Variants in TULP4 observed in about 807,000 individuals in gnomAD.
The protein encoded by TULP4 is TUB like protein 4, also known as tubby-related protein 4.
In TULP4, 16 loss-of-function variants were observed where a neutral mutation model predicts 129.0. That is an observed-to-expected ratio of 0.12 (90% CI 0.08 to 0.19). The LOEUF is 0.19. Among genes scored for constraint, TULP4 ranks in the 10% least tolerant of loss-of-function variants. The pLI, the probability that TULP4 is intolerant of heterozygous loss-of-function variation, is 1.00. For missense variants in TULP4, 1,842 were observed against 2,059.1 expected, an observed-to-expected ratio of 0.89 and a Z score of 2.04; for synonymous variants, 998 against 854.0, an observed-to-expected ratio of 1.17 and a Z score of -2.94.
At chr6:158,499,136 G>T (rs1271877631) in intron 12 of TULP4, among the ~76,000 whole-genome samples, 1 of 152,190 alleles carries the variant, frequency 6.6e-6, no homozygotes, top group East Asian at 1.9e-4. Flanking sequence ...AGATAAGTTT[G>T]CAGGACTGAT....
In TULP4 at chr6:158,503,459, T is replaced by C. The variant is rs1390276204; in HGVS notation, c.3796T>C (p.Tyr1266His). 4 of 1,613,860 alleles carry C rather than the reference T, an allele frequency of 2.5e-6. No individual in the cohort carries two copies. The highest frequency in any genetic ancestry group is 2.5e-6 in the Non-Finnish European group (3 of 1,180,032). ...TGTCGCCTTGCATCCATGGAGTTCC[T>C]ACAGCGCCTGCCCGCCCATGCAGAA... ...PPVALHPWSSYSACPPMQNPQ... is the reference protein window; with the variant it reads ...PPVALHPWSSHSACPPMQNPQ... Residue 1266 changes from tyrosine (Y) to histidine (H), a missense_variant, in exon 13 of 14, where the codon TAC (tyrosine) becomes CAC (histidine). Physicochemically the swap from Tyr to His is moderately conservative, Grantham distance 83 (BLOSUM62 2). Transcript: ENST00000367097. The surrounding 1 kb of genome is among the most constrained non-coding windows in gnomAD (Gnocchi z 4.3).
chr6:158,505,737 A>G (rs1346072782), intron 13 of TULP4, among the ~76,000 whole-genome samples: 2 of 152,168 alleles, frequency 1.3e-5, no homozygotes, highest in African/African-American at 2.4e-5. Context: ...GGTGTTGGAC[A>G]GTGGTGGTGC....
chr6:158,279,619 T>A (rs558720575), upstream of TULP4, among the ~76,000 whole-genome samples: 1 of 152,302 alleles, frequency 6.6e-6, no homozygotes, highest in African/African-American at 2.4e-5. Flanking sequence ...AATATCTGAT[T>A]AATTATGTTA....
chr6:158,321,065 T>C (rs1779617012), intron 1 of TULP4, among the ~76,000 whole-genome samples: 1 of 152,192 alleles, frequency 6.6e-6, no homozygotes, highest in African/African-American at 2.4e-5. Flanking sequence ...AAAAATTTTC[T>C]TTAACTTTTT....
At chr6:158,267,879 T>C (rs1778476137) in intron 1 of TULP4, among the ~76,000 whole-genome samples, 1 of 152,126 alleles carries the variant, frequency 6.6e-6, no homozygotes, top group African/African-American at 2.4e-5. Flanking sequence ...TTGGTGCTTT[T>C]CTATCAGTCG....
intron 1 of TULP4, among the ~76,000 whole-genome samples, chr6:158,319,920 A>G (rs1318390386): frequency 6.6e-6 from 1 of 152,186 alleles, no homozygotes; most frequent in East Asian, 1.9e-4. Flanking sequence ...TAATGGTTCT[A>G]ATCAGATGGT....
intron 1 of TULP4, among the ~76,000 whole-genome samples, chr6:158,394,786 C>G (rs1449845758): frequency 2.2e-5 from 1 of 46,020 alleles, no homozygotes; most frequent in Non-Finnish European, 3.4e-5. Flanking sequence ...GGCTCTGTCT[C>G]AAAAAAAAAA....
intron 8 of TULP4, among the ~76,000 whole-genome samples, chr6:158,484,249 T>C (rs1360204073): frequency 6.6e-6 from 1 of 151,304 alleles, no homozygotes; most frequent in Non-Finnish European, 1.5e-5. Flanking sequence ...CCCCCACCCA[T>C]TGTTTTTTAA....
At chr6:158,471,100 A>G (rs1779670728) in intron 6 of TULP4, among the ~76,000 whole-genome samples, 1 of 152,248 alleles carries the variant, frequency 6.6e-6, no homozygotes, top group African/African-American at 2.4e-5. Context: ...AGGGAGGTTT[A>G]ATCTGGAAGA....
At chr6:158,345,468 A>G (rs1159138069) in intron 1 of TULP4, among the ~76,000 whole-genome samples, 1 of 152,224 alleles carries the variant, frequency 6.6e-6, no homozygotes, top group Non-Finnish European at 1.5e-5. Context: ...CTGAGAAATA[A>G]AGAGTACAAA....
At chr6:158,315,346 C>G (rs1439796283) in intron 1 of TULP4, among the ~76,000 whole-genome samples, 1 of 152,050 alleles carries the variant, frequency 6.6e-6, no homozygotes. Context: ...TATGAGGCCA[C>G]TAATCCCATA....
At chr6:158,315,691 T>C (rs1779471308) in intron 1 of TULP4, among the ~76,000 whole-genome samples, 1 of 152,168 alleles carries the variant, frequency 6.6e-6, no homozygotes, top group Non-Finnish European at 1.5e-5. Context: ...AACAGAAATT[T>C]ATTGCTTACA....
intron 1 of TULP4, among the ~76,000 whole-genome samples, chr6:158,343,300 A>G (rs1467839692): frequency 6.6e-6 from 1 of 152,118 alleles, no homozygotes; most frequent in Non-Finnish European, 1.5e-5. Context: ...AGATTCTTCA[A>G]ACTTGGTTAG....
At chr6:158,471,175 G>GCA (rs935793807) in intron 6 of TULP4, among the ~76,000 whole-genome samples, 5 of 151,276 alleles carry the variant, frequency 3.3e-5, no homozygotes, top group Admixed American at 2.0e-4. Context: ...GGGAGCCAAA[G>GCA]CACACACACA....
At chr6:158,398,641 G>A (rs1777773618) in intron 1 of TULP4, 1 of 152,270 alleles carries the variant, frequency 6.6e-6, no homozygotes, top group African/African-American at 2.4e-5. Flanking sequence ...ACTTTCTGAG[G>A]TGGAGGAGGT....
intron 3 of TULP4, among the ~76,000 whole-genome samples, chr6:158,438,968 G>A (rs1384823519): frequency 6.6e-6 from 1 of 152,016 alleles, no homozygotes; most frequent in Non-Finnish European, 1.5e-5. Context: ...TCAGGAGATC[G>A]AGACCATCTT....
chr6:158,424,463 T>TGGTCTTGAACTCCTGACCTCA (rs1428720979), intron 2 of TULP4, among the ~76,000 whole-genome samples: 1 of 152,086 alleles, frequency 6.6e-6, no homozygotes, highest in Admixed American at 6.6e-5. Context: ...TTGGACAGGC[T>TGGTCTTGAACTCCTGACCTCA]GGTCTTGAAC....
In TULP4 at chr6:158,502,574, G is replaced by A; in HGVS notation, c.2911G>A (p.Gly971Arg). ...TGAAATTGCCAGCCAGCTGGCCCAG[G>A]GGCGGGGGGCTGCCCAGAGGTCCGA... ...YPEIASQLAQ[G>R]RGAAQRSDNS... Residue 971 changes from glycine to arginine, a missense_variant, in exon 13 of 14, where the codon GGG becomes AGG. By Grantham distance (125) the Gly-to-Arg change is moderately radical. Coordinates refer to ENST00000367097, the MANE Select transcript of TULP4 (RefSeq NM_020245.5). The A allele has an allele frequency of 1.9e-6, 3 of 1,604,476 alleles. No individual in the cohort carries two copies. The highest frequency in any genetic ancestry group is 2.5e-6 in the Non-Finnish European group (3 of 1,179,892).
intron 1 of TULP4, among the ~76,000 whole-genome samples, chr6:158,291,883 A>G (rs75558735): frequency 0.066 from 10,083 of 152,198 alleles, 512 homozygotes; most frequent in African/African-American, 0.14. Flanking sequence ...GGCATTTTAG[A>G]TAGTGTTTTG....
Sources: allele counts gnomAD v4.1 joint callset (sites outside exome capture counted in the v4.1 genomes callset), GRCh38; gene constraint gnomAD v4.1.1; non-coding constraint Gnocchi (gnomAD v3.1); transcripts MANE v1.5; gene names NCBI Gene and HGNC (gene_info 2026-07-23, HGNC 2026-07-21).